Variants in PIF1 observed in about 807,000 individuals in gnomAD.
PIF1 encodes PIF1 5'-to-3' DNA helicase.
PIF1 carries 67 observed loss-of-function variants against 62.3 expected under a neutral mutation model. The ratio of observed to expected loss-of-function variants is 1.08; its 90% CI spans 0.88 to 1.32. The LOEUF (loss-of-function observed/expected upper bound fraction) is 1.32, where lower values mean the gene tolerates loss of function less well. Among genes scored for constraint, PIF1 ranks in the 40% most tolerant of loss-of-function variants. PIF1 has a pLI of 0.00. For synonymous variants in PIF1, 364 were observed against 379.5 expected, an observed-to-expected ratio of 0.96 and a Z score of 0.47; for missense variants, 886 against 866.1, an observed-to-expected ratio of 1.02 and a Z score of -0.29.
intron 2 of PIF1, 168 bp downstream of exon 2, chr15:64,823,610 A>G: frequency 2.3e-6 from 1 of 441,298 alleles, no homozygotes; most frequent in Non-Finnish European, 3.9e-6. Context: ...CTCAGGGATT[A>G]CACTATAACA....
At chr15:64,826,828 C>G (rs886561809), upstream of PIF1, among the ~76,000 whole-genome samples, 3 of 150,480 alleles carry the variant, frequency 2.0e-5, no homozygotes, top group Admixed American at 1.3e-4. Context: ...GGAGGTCAAA[C>G]GATCCACCCA....
intron 1 of PIF1, among the ~76,000 whole-genome samples, chr15:64,824,816 T>TAAA (rs35316285): frequency 4.8e-4 from 70 of 145,160 alleles, no homozygotes; most frequent in Admixed American, 1.2e-3. Context: ...ACCCTCTAAT[T>TAAA]AAAAAAAAAA....
At chr15:64,818,991 A>G (rs190016182) in intron 9 of PIF1, 126 bp downstream of exon 9, 2 of 558,298 alleles carry the variant, frequency 3.6e-6, no homozygotes, top group Non-Finnish European at 6.0e-6. Context: ...GGAGGCAGGG[A>G]GGTTTTCAGT....
chr15:64,822,189 T>C, intron 4 of PIF1, 77 bp downstream of exon 4: 3 of 1,556,082 alleles, frequency 1.9e-6, no homozygotes, highest in Non-Finnish European at 2.6e-6. Context: ...AAACTCCCTC[T>C]TTATGCAGAC....
At chr15:64,826,665 T>TATATATATATACAC (rs796684934), upstream of PIF1, among the ~76,000 whole-genome samples, 143 of 42,728 alleles carry the variant, frequency 3.3e-3, 2 homozygotes, top group East Asian at 0.017. Flanking sequence ...TATATATATA[T>TATATATATATACAC]ACACACACAC....
intron 10 of PIF1, 61 bp from the exon 11 acceptor site, chr15:64,818,152 A>G (rs1338033575): frequency 6.2e-7 from 1 of 1,611,662 alleles, no homozygotes; most frequent in Non-Finnish European, 8.5e-7. Context: ...GGTGAGGAGC[A>G]GGGGCCTTTG....
chr15:64,822,065 A>C, intron 4 of PIF1: 1 of 631,318 alleles, frequency 1.6e-6, no homozygotes, highest in Non-Finnish European at 2.6e-6. Flanking sequence ...TTGTGGAGAC[A>C]GGGTTTACTG....
At position 64,815,747 on chromosome 15, in the gene PIF1, C is replaced by T; in HGVS notation, c.*551G>A. On this transcript the variant is annotated 3_prime_UTR_variant, in exon 13 of 13. Coordinates refer to ENST00000559239, the MANE Select transcript of PIF1 (RefSeq NM_001286496.2). ...AAAAGCAGCTTAAAATATGGGTGCA[C>T]ATTTTGCAGCTTATGTTCTTTGGTT... 1 of 1,550,640 alleles carries T rather than the reference C, an allele frequency of 6.4e-7. No individual in the cohort carries two copies. Among genetic ancestry groups the T allele is most frequent in the Non-Finnish European group, 8.7e-7 (1 of 1,147,016 alleles).
Position 64,820,997 on chromosome 15 carries a change from G to A in PIF1, c.1178C>T (p.Ala393Val), listed in dbSNP as rs1449269163. 6.2e-7 allele frequency: 1 copy of A among 1,614,042 alleles called. No homozygotes were observed. The change falls in exon 7 of 13, where the codon GCC (alanine) becomes GTC (valine). Residue 393 changes from alanine (A) to valine (V), a missense_variant. Physicochemically the swap from Ala to Val is moderately conservative, Grantham distance 64. Coordinates refer to ENST00000559239, the MANE Select transcript of PIF1 (RefSeq NM_001286496.2). ...CAGAGCTCACCTGCCTAGCCTCACG[G>A]CCTGCAGTAGAGAGATGAAGGTCTG... ...ADQTFISLLQ[A>V]VRLGRCSDEV...
chr15:64,825,360 A>C (rs2084354504), intron 1 of PIF1, among the ~76,000 whole-genome samples: 1 of 152,184 alleles, frequency 6.6e-6, no homozygotes, highest in Admixed American at 6.5e-5. Flanking sequence ...CTTGCCCTTC[A>C]TAAGCCACAG....
At position 64,824,275 on chromosome 15, in the gene PIF1, C is replaced by A; in HGVS notation, c.61G>T (p.Val21Leu). ...CCCGGGCTCAGCTCCTCCACAGCCA[C>A]GCGGCACCGCAGCTCCGAGTCCTCA... is the stretch of plus-strand genomic sequence containing the variant. ...EYEDSELRCR[V>L]AVEELSPGGQ... The change falls in exon 2 of 13, where the codon GTG (valine) becomes TTG (leucine). Residue 21 changes from valine to leucine, a missense_variant. Physicochemically the swap from Val to Leu is conservative, Grantham distance 32 (BLOSUM62 1). Coordinates refer to ENST00000559239, the MANE Select transcript of PIF1 (RefSeq NM_001286496.2). 2.3e-6 allele frequency: 3 copies of A among 1,279,322 alleles called. No individual in the cohort carries two copies. Among genetic ancestry groups the A allele is most frequent in the Non-Finnish European group, 2.0e-6 (2 of 1,011,048 alleles). 79.2% of individuals were successfully genotyped at this position (1,279,322 alleles called of 1,614,324 possible). A position where few individuals can be genotyped will look rare whatever the true frequency, so the allele number is the denominator to read the frequency against.
Position 64,824,305 on chromosome 15 carries a change from C to G in PIF1, c.31G>C (p.Glu11Gln), listed in dbSNP as rs749699292. The change falls in exon 2 of 13, where the codon GAA becomes CAA. Residue 11 changes from glutamate to glutamine, a missense_variant. By Grantham distance (29) the Glu-to-Gln change is conservative (BLOSUM62 2). Transcript: ENST00000559239. ...CACCGCAGCTCCGAGTCCTCATATT[C>G]CCCTGCCGCCGCCTCTATGCCCGAG... MLSGIEAAAG[E>Q]YEDSELRCRV... 1.0e-4 allele frequency: 132 copies of G among 1,259,184 alleles called. No individual in the cohort carries two copies. The highest frequency in any genetic ancestry group is 1.2e-4 in the Non-Finnish European group (116 of 1,000,620). The allele number at this position is 1,259,184 out of a possible 1,614,324, so 78.0% of individuals were successfully genotyped here.
At position 64,816,377 on chromosome 15, in the gene PIF1, GC is replaced by G; in HGVS notation, c.1867-21del. The G allele has an allele frequency of 6.2e-7, 1 of 1,613,802 alleles. No homozygotes were observed. Among genetic ancestry groups the G allele is most frequent in the Non-Finnish European group, 8.5e-7 (1 of 1,179,970 alleles). On this transcript the variant is annotated intron_variant, in intron 12 of 12. Coordinates refer to ENST00000559239, the MANE Select transcript of PIF1 (RefSeq NM_001286496.2). ...GGACTCCTGGATCAGAGCCAGAGAA[GC>G]CCAGTCATGGGTTTGTGCTGTTCCC...
At chr15:64,818,378 C>A (rs768664346) in intron 9 of PIF1, 34 bp from the exon 10 acceptor site, 1 of 1,602,184 alleles carries the variant, frequency 6.2e-7, no homozygotes, top group South Asian at 1.1e-5. Context: ...ACAGCAGCCC[C>A]CCTACCCATG....
rs758255304 is a variant in PIF1 at position 64,821,459 on chromosome 15, C to T, written c.879G>A (p.Val293=). The T allele has an allele frequency of 4.3e-6, 7 of 1,614,204 alleles. No homozygotes were observed. In the South Asian group the frequency reaches 7.7e-5, roughly 18 times the overall value. Residue 293 remains valine, a synonymous_variant, in exon 5 of 13, where the codon GTG becomes GTA. Coordinates refer to ENST00000559239, the MANE Select transcript of PIF1 (RefSeq NM_001286496.2). ...GCTGGCAGTTCAGCCAGCCCTGCCG[C>T]ACGCCTGGCCTTTGGGCCAGGGCCA... ...QCVALAQRPG[V]RQGWLNCQRL...
At chr15:64,820,862 T>G in intron 7 of PIF1, 120 bp downstream of exon 7, 1 of 849,122 alleles carries the variant, frequency 1.2e-6, no homozygotes, top group Non-Finnish European at 1.9e-6. Flanking sequence ...TCTTCCTGCA[T>G]GGAGTGCTTG....
chr15:64,819,711 T>C (rs2084256132), intron 8 of PIF1, 136 bp downstream of exon 8: 7 of 1,171,282 alleles, frequency 6.0e-6, no homozygotes, highest in Non-Finnish European at 7.2e-6. Context: ...AAAGTCACAG[T>C]TGCATTTGCA....
chr15:64,815,936 TC>T lies in PIF1; in HGVS notation c.*361del, dbSNP rs141043451. The T allele has an allele frequency of 1.9e-3, 3,008 of 1,549,940 alleles. 61 individuals are homozygous for T. The African/African-American group carries it at 0.037, about 19-fold the overall frequency. On this transcript the variant is annotated 3_prime_UTR_variant, in exon 13 of 13. Coordinates refer to ENST00000559239, the MANE Select transcript of PIF1 (RefSeq NM_001286496.2). ...CCGGAGCACCTGTCTTCATTGCCTC[TC>T]CCTTCTGCAGCCTGAAAGGAGGGAT... is the stretch of plus-strand genomic sequence containing the variant.
intron 2 of PIF1, among the ~76,000 whole-genome samples, chr15:64,822,852 TC>T: frequency 6.6e-6 from 1 of 152,212 alleles, no homozygotes; most frequent in South Asian, 2.1e-4. Flanking sequence ...GTCTACACCC[TC>T]CCTTAGCTCC....
Sources: gnomAD v4.1 joint callset for allele counts (sites outside exome capture counted in the v4.1 genomes callset) on GRCh38, gnomAD v4.1.1 for gene constraint, MANE v1.5 for transcripts, NCBI Gene and HGNC (gene_info 2026-07-23, HGNC 2026-07-21) for gene names.